The following KCNK2 variants were observed in gnomAD, a reference collection of about 807,000 sequenced individuals.
The protein encoded by KCNK2 is potassium two pore domain channel subfamily K member 2.
In KCNK2, 21 loss-of-function variants were observed where a neutral mutation model predicts 40.5. That is an observed-to-expected ratio of 0.52 (90% CI 0.37 to 0.75). KCNK2 has a LOEUF of 0.75. Among genes scored for constraint, KCNK2 ranks in the 30% least tolerant of loss-of-function variants. KCNK2 has a pLI of 0.00. For missense variants in KCNK2, 399 were observed against 531.6 expected (o/e 0.75, Z 2.45); for synonymous variants, 191 against 202.2 (o/e 0.94, Z 0.47).
chr1:215,225,644 T>C (rs1290414082), intron 6 of KCNK2, among the ~76,000 whole-genome samples: 1 of 152,222 alleles, frequency 6.6e-6, no homozygotes, highest in Non-Finnish European at 1.5e-5. Context: ...ACCAGTCAGT[T>C]AGAATGTATG....
intron 1 of KCNK2, among the ~76,000 whole-genome samples, chr1:215,050,585 T>C (rs1044879948): frequency 5.9e-5 from 9 of 152,156 alleles, no homozygotes; most frequent in African/African-American, 2.2e-4. Flanking sequence ...ATAAAAAAAG[T>C]TTGATGTACC....
chr1:215,145,137 G>T (rs991878316), intron 3 of KCNK2, among the ~76,000 whole-genome samples: 1 of 152,034 alleles, frequency 6.6e-6, no homozygotes, highest in African/African-American at 2.4e-5. Flanking sequence ...ATTTTTTATT[G>T]ACATCAGACC....
Position 215,177,740 on chromosome 1 carries a change from A to ATATATATTTTT in KCNK2, c.823+5558_823+5559insATATATTTTTT, listed in dbSNP as rs71167812. The stretch of plus-strand genomic sequence containing the variant: ...TATATGTGTATATATATATATATAT[A>ATATATATTTTT]TTTTTTTTTTTTGTAGCAGTACCAT... On this transcript the variant is annotated intron_variant, in intron 5 of 6. Transcript: ENST00000444842. Among the ~76,000 whole-genome samples, 438 of 101,540 alleles carry ATATATATTTTT rather than the reference A, an allele frequency of 4.3e-3. 2 individuals carry two copies. The highest frequency in any genetic ancestry group is 7.5e-3 in the Middle Eastern group (1 of 134). 66.6% of individuals were successfully genotyped at this position (101,540 alleles called of 152,430 possible).
At position 215,172,103 on chromosome 1, in the gene KCNK2, T is replaced by G; in HGVS notation, c.743T>G (p.Ile248Arg). Residue 248 changes from isoleucine (I) to arginine (R), a missense_variant, in exon 5 of 7, where the codon ATA becomes AGA. By Grantham distance (97) the Ile-to-Arg change is moderately conservative. Transcript: ENST00000444842. ...VALPAIIFKH[I>R]EGWSALDAIY... is the part of the protein sequence containing the mutation. ...CTGCCTGCGATCATATTCAAACACATAGAAGGCTGGAGTGCCCTGGACGCC... is the reference window on the plus strand; with the variant it reads ...CTGCCTGCGATCATATTCAAACACAGAGAAGGCTGGAGTGCCCTGGACGCC... 1 of 1,613,652 alleles carries G rather than the reference T, an allele frequency of 6.2e-7. No individual in the cohort carries two copies.
chr1:215,197,079 G>C (rs1347185663), intron 6 of KCNK2, among the ~76,000 whole-genome samples: 4 of 152,116 alleles, frequency 2.6e-5, no homozygotes, highest in Non-Finnish European at 5.9e-5. Flanking sequence ...CAATCCAAAA[G>C]TTTGAAAGCC....
chr1:215,209,221 TTATATATAAAATATATATAAA>T (rs1558139630), intron 6 of KCNK2, among the ~76,000 whole-genome samples: 1 of 131,692 alleles, frequency 7.6e-6, no homozygotes, highest in Non-Finnish European at 1.5e-5. Flanking sequence ...ACACATATTT[TTATATATAAAATATATATAAA>T]TATACACATA....
At chr1:215,015,738 A>G (rs1263037194) in intron 1 of KCNK2, among the ~76,000 whole-genome samples, 1 of 152,138 alleles carries the variant, frequency 6.6e-6, no homozygotes, top group Non-Finnish European at 1.5e-5. Flanking sequence ...AGGATCTTTA[A>G]TGTATTGAAG....
At chr1:215,213,984 G>A (rs1665848854) in intron 6 of KCNK2, among the ~76,000 whole-genome samples, 1 of 152,084 alleles carries the variant, frequency 6.6e-6, no homozygotes, top group Non-Finnish European at 1.5e-5. Flanking sequence ...ATATGACACT[G>A]CTAATTGGGG....
intron 2 of KCNK2, among the ~76,000 whole-genome samples, chr1:215,100,871 G>A (rs1230899831): frequency 2.0e-5 from 3 of 151,960 alleles, no homozygotes; most frequent in Non-Finnish European, 2.9e-5. Context: ...TAAAAGAAAA[G>A]GATAATTGAT....
At chr1:215,159,856 A>C (rs1306543940) in intron 3 of KCNK2, among the ~76,000 whole-genome samples, 1 of 152,212 alleles carries the variant, frequency 6.6e-6, no homozygotes, top group Non-Finnish European at 1.5e-5. Flanking sequence ...AGGACAAGCT[A>C]ATATCATATA....
At chr1:215,156,234 T>TA (rs2102618531) in intron 3 of KCNK2, among the ~76,000 whole-genome samples, 1 of 152,288 alleles carries the variant, frequency 6.6e-6, no homozygotes, top group African/African-American at 2.4e-5. Flanking sequence ...GTGGTGTTAT[T>TA]AAGTTCTGAT....
intron 5 of KCNK2, among the ~76,000 whole-genome samples, chr1:215,178,907 G>C (rs1664104531): frequency 6.6e-6 from 1 of 152,044 alleles, no homozygotes; most frequent in Admixed American, 6.6e-5. Context: ...TTTGGAAAGA[G>C]TTTTAGTAGG....
chr1:215,213,713 A>G (rs1431983661), intron 6 of KCNK2, among the ~76,000 whole-genome samples: 1 of 152,308 alleles, frequency 6.6e-6, no homozygotes, highest in African/African-American at 2.4e-5. Context: ...GCTGAGTCTC[A>G]TGAAACAGTA....
intron 1 of KCNK2, 170 bp downstream of exon 1, chr1:215,083,601 A>C: frequency 1.6e-6 from 1 of 623,346 alleles, no homozygotes; most frequent in Non-Finnish European, 2.9e-6. Flanking sequence ...CCCTTGCCAG[A>C]TCCTCTCCAC....
At chr1:215,055,897 G>A (rs975389337) in intron 1 of KCNK2, among the ~76,000 whole-genome samples, 10 of 152,222 alleles carry the variant, frequency 6.6e-5, no homozygotes, top group African/African-American at 1.2e-4. Flanking sequence ...AACTCCTGGA[G>A]ATTTCTCTTT....
intron 6 of KCNK2, among the ~76,000 whole-genome samples, chr1:215,217,660 C>A (rs528285711): frequency 6.6e-6 from 1 of 152,242 alleles, no homozygotes; most frequent in South Asian, 2.1e-4. Context: ...AAAAAGAAAT[C>A]TGTCACTTCT....
At position 215,082,820 on chromosome 1, in the gene KCNK2, C is replaced by T. The variant is rs1659221448; in HGVS notation, c.-566C>T. On this transcript the variant is annotated 5_prime_UTR_variant, in exon 1 of 7. Coordinates refer to ENST00000444842, the MANE Select transcript of KCNK2 (RefSeq NM_001017425.3). Reference sequence around the variant, plus strand: ...CAGAGCTGCGGGCGCCCGGACCGTGCCACACACCCCCCGCGGGGCACGGAG... The same window carrying T: ...CAGAGCTGCGGGCGCCCGGACCGTGTCACACACCCCCCGCGGGGCACGGAG... 6.6e-6 allele frequency among the ~76,000 whole-genome samples: 1 copy of T among 152,048 alleles called. No individual in the cohort carries two copies. Among genetic ancestry groups the T allele is most frequent in the South Asian group, 2.1e-4 (1 of 4,834 alleles).
At chr1:215,042,808 T>G (rs1436275328) in intron 1 of KCNK2, among the ~76,000 whole-genome samples, 1 of 152,212 alleles carries the variant, frequency 6.6e-6, no homozygotes, top group African/African-American at 2.4e-5. Context: ...TAAGTGGGCT[T>G]ACCTCCAGAA....
intron 1 of KCNK2, among the ~76,000 whole-genome samples, chr1:215,052,086 T>C (rs972964240): frequency 4.6e-5 from 7 of 152,184 alleles, no homozygotes; most frequent in Admixed American, 1.3e-4. Flanking sequence ...ATATTTCCTG[T>C]CATGGAGCTT....
Sources: gnomAD v4.1 joint callset for allele counts (sites outside exome capture counted in the v4.1 genomes callset) on GRCh38, gnomAD v4.1.1 for gene constraint, MANE v1.5 for transcripts, NCBI Gene and HGNC (gene_info 2026-07-23, HGNC 2026-07-21) for gene names.